The following SNX20 variants were observed in gnomAD, a reference collection of about 807,000 sequenced individuals.
SNX20 encodes sorting nexin-20.
Under a neutral mutation model 24.5 loss-of-function variants are expected in SNX20, and 21 were observed. That is an observed-to-expected ratio of 0.86 (90% CI 0.61 to 1.23). The LOEUF (loss-of-function observed/expected upper bound fraction) is 1.23. Ranked by LOEUF, SNX20 falls within the 50% of genes most tolerant of loss-of-function variation. The pLI is 0.00. For synonymous variants in SNX20, 206 were observed against 192.8 expected, an observed-to-expected ratio of 1.07 and a Z score of -0.57; for missense variants, 433 against 430.8, an observed-to-expected ratio of 1.00 and a Z score of -0.04.
chr16:50,679,935 C>A (rs756379433), intron 1 of SNX20, among the ~76,000 whole-genome samples: 41 of 152,330 alleles, frequency 2.7e-4, no homozygotes, highest in Non-Finnish European at 4.7e-4. Flanking sequence ...AGGCAGCTGG[C>A]TCCAGGTCAG....
chr16:50,671,319 G>A (rs1234415471), downstream of SNX20: 1 of 152,056 alleles, frequency 6.6e-6, no homozygotes, highest in Non-Finnish European at 1.5e-5. Flanking sequence ...ACCATGCTGT[G>A]TGTATTCAGC....
Position 50,673,622 on chromosome 16 carries a change from C to T in SNX20, c.735G>A (p.Glu245=). The part of the protein sequence containing the change: ...LCHRDLDRPA[E]AFAAGERALQ... ...GGGCCCTCTCTCCGGCCGCGAAGGCCTCGGCGGGGCGGTCGAGGTCGCGGT... is the reference window on the plus strand; with the variant it reads ...GGGCCCTCTCTCCGGCCGCGAAGGCTTCGGCGGGGCGGTCGAGGTCGCGGT... The change falls in exon 4 of 4, where the codon GAG becomes GAA. Residue 245 remains glutamate (E), a synonymous_variant. Transcript: ENST00000330943. This position sits in a 1 kb window ranked among gnomAD's most constrained non-coding sequence, Gnocchi z 4.1. 1 of 1,562,306 alleles carries T rather than the reference C, an allele frequency of 6.4e-7. No individual in the cohort carries two copies. Among genetic ancestry groups the T allele is most frequent in the East Asian group, 2.4e-5 (1 of 42,302 alleles).
intron 3 of SNX20, 22 bp from the exon 4 acceptor site, chr16:50,674,096 C>T (rs767781824): frequency 6.4e-7 from 1 of 1,564,104 alleles, no homozygotes; most frequent in South Asian, 1.2e-5. Context: ...CCAGAGAGAG[C>T]TGTGGCCACC....
rs1287235454 is a variant in SNX20 at position 50,672,351 on chromosome 16, A to G, written c.*1055T>C. ...GCCTTATGAATGAAAATCCACCCCT[A>G]GACAATGTGCTATGCCATCCCAGCC... On this transcript the variant is annotated 3_prime_UTR_variant, in exon 4 of 4. Transcript: ENST00000330943. The G allele has an allele frequency of 6.6e-6, 1 of 152,216 alleles. No homozygotes were observed. The highest frequency in any genetic ancestry group is 1.5e-5 in the Non-Finnish European group (1 of 68,058). The allele number at this position is 152,216 out of a possible 1,614,324, so 9.4% of individuals were successfully genotyped here.
chr16:50,673,504 C>T lies in SNX20; in HGVS notation c.853G>A (p.Val285Met), dbSNP rs761260114. ...RLAYALGKDF[V>M]TLQERLEESQ... is the part of the protein sequence containing the mutation. ...TCCTCCAGCCTCTCCTGCAGAGTCA[C>T]GAAGTCCTTGCCCAGCGCGTAGGCC... is the stretch of plus-strand genomic sequence containing the variant. The change falls in exon 4 of 4, where the codon GTG becomes ATG. Residue 285 changes from valine (V) to methionine (M), a missense_variant. Transcript: ENST00000330943. This position sits in a 1 kb window ranked among gnomAD's most constrained non-coding sequence, Gnocchi z 4.1. 6.2e-6 allele frequency: 10 copies of T among 1,609,608 alleles called. No homozygotes were observed. Among genetic ancestry groups the T allele is most frequent in the South Asian group, 1.1e-5 (1 of 90,624 alleles).
In SNX20 at chr16:50,672,168, C is replaced by A. The variant is rs898727683; in HGVS notation, c.*1238G>T. 2 of 152,204 alleles carry A rather than the reference C, an allele frequency of 1.3e-5. No homozygotes were observed. Among genetic ancestry groups the A allele is most frequent in the Non-Finnish European group, 2.9e-5 (2 of 68,056 alleles). The allele number at this position is 152,204 out of a possible 1,614,324, so 9.4% of individuals were successfully genotyped here. On this transcript the variant is annotated 3_prime_UTR_variant, in exon 4 of 4. Coordinates refer to ENST00000330943, the MANE Select transcript of SNX20 (RefSeq NM_182854.4). The stretch of plus-strand genomic sequence containing the variant: ...GACAGCAGACCTCAGTTAAGGGCAT[C>A]CCAGTCCATCAGAGAAGTTCCAGGA...
downstream of SNX20, chr16:50,667,838 G>C (rs1049123334): frequency 1.5e-6 from 1 of 656,712 alleles, no homozygotes; most frequent in South Asian, 1.8e-5. Context: ...TGAGGGGGCC[G>C]AGCCTGGGAG....
At position 50,673,455 on chromosome 16, in the gene SNX20, G is replaced by A; in HGVS notation, c.902C>T (p.Pro301Leu). 1.3e-6 allele frequency: 2 copies of A among 1,598,626 alleles called. No individual in the cohort carries two copies. Among genetic ancestry groups the A allele is most frequent in the East Asian group, 2.3e-5 (1 of 43,714 alleles). The change falls in exon 4 of 4, where the codon CCC becomes CTC. Residue 301 changes from proline to leucine, a missense_variant. Coordinates refer to ENST00000330943, the MANE Select transcript of SNX20 (RefSeq NM_182854.4). The surrounding 1 kb of genome is among the most constrained non-coding windows in gnomAD (Gnocchi z 4.1). ...GAGCTCCTTCAGGGTGATGCCTCGGGGCGTGGGCCTCCGGAGCTGGCTCTC... is the reference window on the plus strand; with the variant it reads ...GAGCTCCTTCAGGGTGATGCCTCGGAGCGTGGGCCTCCGGAGCTGGCTCTC... ...LEESQLRRPTPRGITLKELTV... is the reference protein window; with the variant it reads ...LEESQLRRPTLRGITLKELTV...
At position 50,673,174 on chromosome 16, in the gene SNX20, A is replaced by C. The variant is rs1352813753; in HGVS notation, c.*232T>G. On this transcript the variant is annotated 3_prime_UTR_variant, in exon 4 of 4. Transcript: ENST00000330943. This position sits in a 1 kb window ranked among gnomAD's most constrained non-coding sequence, Gnocchi z 4.1. ...AAATTAGCCTGGTGTGGTGGTGTGC[A>C]CCTGTAATCCCAGCTACTTGGGAGG... The C allele has an allele frequency of 1.7e-6, 1 of 579,100 alleles. No homozygotes were observed. The highest frequency in any genetic ancestry group is 1.9e-5 in the African/African-American group (1 of 51,482). 35.9% of individuals were successfully genotyped at this position (579,100 alleles called of 1,614,324 possible).
downstream of SNX20, chr16:50,668,193 C>G (rs1201461717): frequency 6.7e-7 from 1 of 1,503,454 alleles, no homozygotes; most frequent in East Asian, 2.5e-5. Context: ...CCCAGATGGT[C>G]TGCAGCAACG....
downstream of SNX20, chr16:50,669,699 C>T (rs1439979275): frequency 6.6e-6 from 1 of 152,488 alleles, no homozygotes; most frequent in Non-Finnish European, 1.5e-5. Context: ...CAAATTAAAG[C>T]CTGGTCTTAA....
chr16:50,670,984 C>T (rs1963035214), downstream of SNX20: 2 of 152,184 alleles, frequency 1.3e-5, no homozygotes, highest in Admixed American at 1.3e-4. Context: ...AAGCCAACCC[C>T]TCTTCAGAGG....
At chr16:50,667,308 G>C (rs1286355128), downstream of SNX20, 1 of 153,620 alleles carries the variant, frequency 6.5e-6, no homozygotes, top group African/African-American at 2.4e-5. Flanking sequence ...GAGGGTGGTG[G>C]GGGGGTAGTT....
Position 50,674,221 on chromosome 16 carries a change from GTTTGTTTGTTTA to G in SNX20, c.283-159_283-148del, listed in dbSNP as rs1393410437. 1.3e-3 allele frequency: 1,145 copies of G among 914,806 alleles called. 7 individuals are homozygous for G. In the African/African-American group the frequency reaches 0.021, roughly 17 times the overall value. 56.7% of individuals were successfully genotyped at this position (914,806 alleles called of 1,614,324 possible). ...TATGCAATTGTTTGTTTGTTTGTTT[GTTTGTTTGTTTA>G]TTTATTTATTTATTTATTTATTTAT... On this transcript the variant is annotated intron_variant, in intron 3 of 3. Transcript: ENST00000330943.
Position 50,674,018 on chromosome 16 carries a change from C to T in SNX20, c.339G>A (p.Leu113=), listed in dbSNP as rs1003649161. ...TGSFDNNKAV[L]ERRYSDFAKL... is the part of the protein sequence containing the mutation. ...TCGCGAAGTCGGAATAGCGCCGTTC[C>T]AGGACGGCCTTGTTGTTGTCAAAGC... is the stretch of plus-strand genomic sequence containing the variant. Residue 113 remains leucine, a synonymous_variant, in exon 4 of 4, where the codon CTG becomes CTA. Transcript: ENST00000330943. 2 of 1,611,284 alleles carry T rather than the reference C, an allele frequency of 1.2e-6. No individual in the cohort carries two copies. Among genetic ancestry groups the T allele is most frequent in the African/African-American group, 2.7e-5 (2 of 74,668 alleles).
exon 4 of SNX20, chr16:50,666,422 A>G (rs1567366204): frequency 6.6e-6 from 1 of 152,400 alleles, no homozygotes; most frequent in African/African-American, 2.4e-5. Flanking sequence ...AAGTTGCCAT[A>G]AGAGTGCACA....
At chr16:50,669,463 A>G (rs1455587048), downstream of SNX20, 2 of 253,550 alleles carry the variant, frequency 7.9e-6, no homozygotes, top group Non-Finnish European at 1.5e-5. Flanking sequence ...TACCACGGGG[A>G]GGGCACCAAG....
downstream of SNX20, chr16:50,670,327 A>G (rs899701628): frequency 1.3e-5 from 2 of 152,250 alleles, no homozygotes; most frequent in African/African-American, 4.8e-5. Context: ...CCTTTGAGGT[A>G]TGCAGGTAAG....
chr16:50,673,143 A>C lies in SNX20; in HGVS notation c.*263T>G, dbSNP rs1189358757. ...CAGAGAGACCCTGTCTCTACTAAAAAATTAAAAATTAGCCTGGTGTGGTGG... is the reference window on the plus strand; with the variant it reads ...CAGAGAGACCCTGTCTCTACTAAAACATTAAAAATTAGCCTGGTGTGGTGG... On this transcript the variant is annotated 3_prime_UTR_variant, in exon 4 of 4. Transcript: ENST00000330943. This position sits in a 1 kb window ranked among gnomAD's most constrained non-coding sequence, Gnocchi z 4.1. The C allele has an allele frequency of 2.5e-6, 1 of 395,338 alleles. No individual in the cohort carries two copies. The highest frequency in any genetic ancestry group is 4.1e-6 in the Non-Finnish European group (1 of 242,124). The allele number at this position is 395,338 out of a possible 1,614,324, so 24.5% of individuals were successfully genotyped here.
Sources: gnomAD v4.1 joint callset for allele counts (sites outside exome capture counted in the v4.1 genomes callset) on GRCh38, gnomAD v4.1.1 for gene constraint, Gnocchi (gnomAD v3.1) non-coding constraint, MANE v1.5 for transcripts, NCBI Gene and HGNC (gene_info 2026-07-23, HGNC 2026-07-21) for gene names.